GAS6: variants seen among roughly 807,000 people sequenced by gnomAD.
GAS6 encodes growth arrest-specific protein 6.
GAS6 carries 41 observed loss-of-function variants against 75.8 expected under a neutral mutation model. That is an observed-to-expected ratio of 0.54 (90% CI 0.42 to 0.70). GAS6 has a LOEUF of 0.70. Among genes scored for constraint, GAS6 ranks in the 30% least tolerant of loss-of-function variants. The pLI is 0.00. For missense variants in GAS6, 854 were observed against 940.2 expected (o/e 0.91, Z 1.20); for synonymous variants, 432 against 412.6 (o/e 1.05, Z -0.57).
chr13:113,831,096 G>A (rs532476345), intron 10 of GAS6, among the ~76,000 whole-genome samples: 14 of 152,384 alleles, frequency 9.2e-5, no homozygotes, highest in African/African-American at 3.1e-4. Context: ...GAGGCCCAGC[G>A]CTGTGGGCGG....
chr13:113,857,031 C>G (rs2051920596), intron 2 of GAS6, among the ~76,000 whole-genome samples: 1 of 152,192 alleles, frequency 6.6e-6, no homozygotes, highest in Non-Finnish European at 1.5e-5. Flanking sequence ...CTGGGTCAAG[C>G]TGTGTGTTTT....
At chr13:113,854,135 G>T (rs1266720441) in intron 2 of GAS6, among the ~76,000 whole-genome samples, 1 of 152,162 alleles carries the variant, frequency 6.6e-6, no homozygotes, top group Non-Finnish European at 1.5e-5. Flanking sequence ...ACCCAGGTGC[G>T]CCCTCCCTTG....
Position 113,823,104 on chromosome 13 carries a change from A to C in GAS6, c.1653+271T>G, listed in dbSNP as rs534459250. ...GATTGCTGTGAGCCACCATCTGCCCAACCGAACAGGGGAAAAGCTCCCACA... is the reference window on the plus strand; with the variant it reads ...GATTGCTGTGAGCCACCATCTGCCCCACCGAACAGGGGAAAAGCTCCCACA... On this transcript the variant is annotated intron_variant, in intron 13 of 14. Coordinates refer to ENST00000327773, the MANE Select transcript of GAS6 (RefSeq NM_000820.4). 1.8e-5 allele frequency: 7 copies of C among 386,658 alleles called. No individual in the cohort carries two copies. In the South Asian group the frequency reaches 5.3e-4, roughly 29 times the overall value. 24.0% of individuals were successfully genotyped at this position (386,658 alleles called of 1,614,324 possible).
chr13:113,846,090 G>A (rs981710030), intron 4 of GAS6, among the ~76,000 whole-genome samples: 17 of 152,288 alleles, frequency 1.1e-4, no homozygotes, highest in African/African-American at 3.9e-4. Flanking sequence ...ATGCCAGCGT[G>A]AAGGTGAGAC....
Position 113,839,404 on chromosome 13 carries a change from C to T in GAS6, c.466+324G>A, listed in dbSNP as rs74118430. ...ACGGTCAGAGGTGAAATTTCCCCCC[C>T]GCCTTTCAATCAGTGGGTGCCACTG... On this transcript the variant is annotated intron_variant, in intron 5 of 14. Coordinates refer to ENST00000327773, the MANE Select transcript of GAS6 (RefSeq NM_000820.4). 5.4e-4 allele frequency: 107 copies of T among 198,292 alleles called. 4 individuals carry two copies. Among genetic ancestry groups the T allele is most frequent in the Non-Finnish European group, 7.1e-4 (83 of 117,434 alleles). The allele number at this position is 198,292 out of a possible 1,614,324, so 12.3% of individuals were successfully genotyped here. A position where few individuals can be genotyped will look rare whatever the true frequency, so the allele number is the denominator to read the frequency against.
Position 113,835,624 on chromosome 13 carries a change from A to G in GAS6, c.601T>C (p.Cys201Arg). 2 of 1,611,366 alleles carry G rather than the reference A, an allele frequency of 1.2e-6. No homozygotes were observed. Among genetic ancestry groups the G allele is most frequent in the Non-Finnish European group, 1.7e-6 (2 of 1,179,650 alleles). ...DGRTCQDIDECADSEACGEAR... is the reference protein window; with the variant it reads ...DGRTCQDIDERADSEACGEAR... ...TCCCCGCAGGCCTCCGAGTCTGCGC[A>G]CTCGTCTATGTCTGCAAGCAAAAAA... The change falls in exon 7 of 15, where the codon TGC (cysteine) becomes CGC (arginine). Residue 201 changes from cysteine (C) to arginine (R), a missense_variant. Physicochemically the swap from Cys to Arg is radical, Grantham distance 180 (BLOSUM62 -3). Transcript: ENST00000327773.
chr13:113,849,048 T>G (rs1231416792), intron 2 of GAS6, among the ~76,000 whole-genome samples: 1 of 152,118 alleles, frequency 6.6e-6, no homozygotes, highest in African/African-American at 2.4e-5. Flanking sequence ...CCCACCTCTC[T>G]CCCACACTTG....
At chr13:113,862,133 G>C (rs1382153570) in intron 2 of GAS6, among the ~76,000 whole-genome samples, 1 of 152,220 alleles carries the variant, frequency 6.6e-6, no homozygotes, top group Non-Finnish European at 1.5e-5. Flanking sequence ...GTAGGGGACT[G>C]ACTTGGGAAG....
chr13:113,858,646 A>G (rs369070683), intron 2 of GAS6, among the ~76,000 whole-genome samples: 1 of 65,626 alleles, frequency 1.5e-5, no homozygotes, highest in South Asian at 6.7e-4. Flanking sequence ...TGTGTTTGTG[A>G]CTGTATGTGT....
intron 8 of GAS6, chr13:113,833,563 T>C: frequency 3.1e-6 from 3 of 955,518 alleles, no homozygotes; most frequent in Non-Finnish European, 3.7e-6. Flanking sequence ...GGTACTGCAT[T>C]CCTACCGGTG....
chr13:113,848,978 G>A lies in GAS6; in HGVS notation c.256-928C>T, dbSNP rs373412155. Among the ~76,000 whole-genome samples, 3 of 152,172 alleles carry A rather than the reference G, an allele frequency of 2.0e-5. No individual in the cohort carries two copies. Among genetic ancestry groups the A allele is most frequent in the Admixed American group, 6.5e-5 (1 of 15,286 alleles). ...CAGACAGAGGCGGTAGGTACCCAGC[G>A]CCGTCTGCAACGCGCCTCTGGCTTC... On this transcript the variant is annotated intron_variant, in intron 2 of 14. Coordinates refer to ENST00000327773, the MANE Select transcript of GAS6 (RefSeq NM_000820.4). The surrounding 1 kb of genome is among the most constrained non-coding windows in gnomAD (Gnocchi z 4.8).
intron 4 of GAS6, chr13:113,842,081 ACGCCC>A (rs1366043344): frequency 2.3e-5 from 2 of 87,386 alleles, no homozygotes; most frequent in African/African-American, 9.0e-5. Flanking sequence ...TTTCCTCCAT[ACGCCC>A]CAGTTTCCTC....
chr13:113,835,685 G>A lies in GAS6; in HGVS notation c.590-50C>T, dbSNP rs147716178. 3,852 of 1,594,852 alleles carry A rather than the reference G, an allele frequency of 2.4e-3. 10 individuals carry two copies. The highest frequency in any genetic ancestry group is 6.2e-3 in the Middle Eastern group (28 of 4,538). On this transcript the variant is annotated intron_variant, in intron 6 of 14. Coordinates refer to ENST00000327773, the MANE Select transcript of GAS6 (RefSeq NM_000820.4). ...ACCGCAGCACAGCGGCATCTCAGACGGGGCTGGGGCAGGCGGCTGCAGGGA... is the reference window on the plus strand; with the variant it reads ...ACCGCAGCACAGCGGCATCTCAGACAGGGCTGGGGCAGGCGGCTGCAGGGA...
intron 6 of GAS6, 63 bp from the exon 7 acceptor site, chr13:113,835,698 G>A: frequency 1.3e-6 from 2 of 1,581,322 alleles, no homozygotes; most frequent in Non-Finnish European, 1.7e-6. Flanking sequence ...GCTGGGGCAG[G>A]CGGCTGCAGG....
chr13:113,821,940 G>A lies in GAS6; in HGVS notation c.1882+18C>T, dbSNP rs1170061936. On this transcript the variant is annotated intron_variant, in intron 14 of 14. Transcript: ENST00000327773. ...CTGGAGCTCTTCACCCGGGTTGAGCGGAGCAGGGAGCACCTACCTGGCAGG... is the reference window on the plus strand; with the variant it reads ...CTGGAGCTCTTCACCCGGGTTGAGCAGAGCAGGGAGCACCTACCTGGCAGG... 6.6e-6 allele frequency: 10 copies of A among 1,506,064 alleles called. No individual in the cohort carries two copies. Among genetic ancestry groups the A allele is most frequent in the Admixed American group, 6.1e-5 (3 of 49,568 alleles). The allele number at this position is 1,506,064 out of a possible 1,614,324, so 93.3% of individuals were successfully genotyped here. A position where few individuals can be genotyped will look rare whatever the true frequency, so the allele number is the denominator to read the frequency against.
At chr13:113,856,340 A>C (rs2051913996) in intron 2 of GAS6, among the ~76,000 whole-genome samples, 1 of 152,172 alleles carries the variant, frequency 6.6e-6, no homozygotes, top group African/African-American at 2.4e-5. Context: ...AGTTAATGAC[A>C]GAGTGTGGGG....
At chr13:113,835,437 G>T in intron 7 of GAS6, 76 bp downstream of exon 7, 16 of 1,546,984 alleles carry the variant, frequency 1.0e-5, no homozygotes, top group Admixed American at 1.8e-5. Flanking sequence ...GTTAGCAACC[G>T]GCTCGGGCAG....
At chr13:113,832,224 A>G in intron 10 of GAS6, 75 bp downstream of exon 10, 1 of 1,491,840 alleles carries the variant, frequency 6.7e-7, no homozygotes, top group Non-Finnish European at 9.0e-7. Flanking sequence ...TAACGGTTGC[A>G]TAAGCGAGTG....
rs200903408 is a variant in GAS6, at chr13:113,827,160, T to C, written c.1313A>G (p.Asn438Ser). 6.2e-7 allele frequency: 1 copy of C among 1,611,116 alleles called. No individual in the cohort carries two copies. Among genetic ancestry groups the C allele is most frequent in the East Asian group, 2.2e-5 (1 of 44,796 alleles). ...FHEKDLVQPI[N>S]PRLDGCMRSW... ...CCTCATGCAGCCATCCAGACGAGGGTTTATCTGGAAAGGCAGAGAAATCTC... is the reference window on the plus strand; with the variant it reads ...CCTCATGCAGCCATCCAGACGAGGGCTTATCTGGAAAGGCAGAGAAATCTC... Residue 438 changes from asparagine to serine, a missense_variant, in exon 12 of 15, where the codon AAC (asparagine) becomes AGC (serine). Coordinates refer to ENST00000327773, the MANE Select transcript of GAS6 (RefSeq NM_000820.4).
Sources: gnomAD v4.1 joint callset for allele counts (sites outside exome capture counted in the v4.1 genomes callset) on GRCh38, gnomAD v4.1.1 for gene constraint, Gnocchi (gnomAD v3.1) non-coding constraint, MANE v1.5 for transcripts, NCBI Gene and HGNC (gene_info 2026-07-23, HGNC 2026-07-21) for gene names.